The following RAB33A variants were observed in gnomAD, a reference collection of about 807,000 sequenced individuals.
RAB33A encodes the protein ras-related protein Rab-33A.
A neutral mutation model predicts 12.0 loss-of-function variants in RAB33A; 6 were observed. The observed-to-expected ratio is 0.50, with a 90% CI of 0.27 to 0.99. The LOEUF is 0.99. Among genes scored for constraint, RAB33A ranks in the 50% least tolerant of loss-of-function variants. The pLI is 0.11. For missense variants in RAB33A, 109 were observed against 192.0 expected (o/e 0.57, Z 2.55); for synonymous variants, 70 against 82.4 (o/e 0.85, Z 0.81).
At chrX:130,137,766 G>T in the RAB33A span, 1 of 1,006,835 alleles carries the variant, frequency 9.9e-7, no homozygotes, top group Non-Finnish European at 1.3e-6. Flanking sequence ...AGAAAGGAAA[G>T]AAAGTATTGC....
At chrX:130,122,181 T>C in the RAB33A span, among the ~76,000 whole-genome samples, 2 of 112,071 alleles carry the variant, frequency 1.8e-5, no homozygotes, top group East Asian at 5.6e-4. Context: ...GATGAGAGGA[T>C]TGGATTGTCT....
At chrX:130,162,882 G>A in the RAB33A span, among the ~76,000 whole-genome samples, 9 of 112,060 alleles carry the variant, frequency 8.0e-5, no homozygotes, top group African/African-American at 2.9e-4. Context: ...CAGACATAGA[G>A]TGATGACTAT....
chrX:130,131,876 C>A, the RAB33A span: 12 of 1,111,345 alleles, frequency 1.1e-5, no homozygotes, highest in Non-Finnish European at 1.5e-5. Context: ...CATGACACTG[C>A]ATTTTTTTTT....
the RAB33A span, among the ~76,000 whole-genome samples, chrX:130,164,425 C>T: frequency 8.9e-6 from 1 of 112,606 alleles, no homozygotes; most frequent in Middle Eastern, 4.6e-3. Flanking sequence ...CCTAACAACC[C>T]AAGGAAAATA....
chrX:130,128,955 TCTATGAAGCACTTA>T, the RAB33A span, among the ~76,000 whole-genome samples: 3 of 112,472 alleles, frequency 2.7e-5, no homozygotes, highest in Non-Finnish European at 5.6e-5. Context: ...TCGACAATGA[TCTATGAAGCACTTA>T]CTATGAAGCA....
chrX:130,170,185 A>G (rs2031590153), upstream of RAB33A, among the ~76,000 whole-genome samples: 1 of 112,886 alleles, frequency 8.9e-6, no homozygotes, highest in Non-Finnish European at 1.9e-5. Flanking sequence ...AGCTCAGCTA[A>G]TAAACTTATT....
At chrX:130,135,548 A>G in the RAB33A span, among the ~76,000 whole-genome samples, 2 of 109,857 alleles carry the variant, frequency 1.8e-5, no homozygotes, top group African/African-American at 6.6e-5. Context: ...GTAACTAGCA[A>G]TGGGGAAATT....
At chrX:130,132,292 C>T in the RAB33A span, among the ~76,000 whole-genome samples, 1 of 112,325 alleles carries the variant, frequency 8.9e-6, no homozygotes, top group African/African-American at 3.2e-5. Flanking sequence ...ACCCTAATAG[C>T]TTTGACTTTT....
At chrX:130,171,119 G>A (rs2031600581), upstream of RAB33A, among the ~76,000 whole-genome samples, 1 of 113,112 alleles carries the variant, frequency 8.8e-6, no homozygotes, top group South Asian at 3.6e-4. Context: ...CATCTGGCAA[G>A]TCTGTAACAG....
the RAB33A span, among the ~76,000 whole-genome samples, chrX:130,157,168 A>C: frequency 1.8e-5 from 2 of 112,138 alleles, no homozygotes; most frequent in Admixed American, 9.4e-5. Flanking sequence ...AAAGAACTAA[A>C]AAATTTTGGA....
Position 130,184,727 on chromosome X carries a change from C to T in RAB33A, c.701C>T (p.Ser234Phe). 1 of 1,208,658 alleles carries T rather than the reference C, an allele frequency of 8.3e-7. No homozygotes were observed. The highest frequency in any genetic ancestry group is 1.1e-6 in the Non-Finnish European group (1 of 892,864). The change falls in exon 2 of 2, where the codon TCC becomes TTC. Residue 234 changes from serine (S) to phenylalanine (F), a missense_variant. Coordinates refer to ENST00000257017, the MANE Select transcript of RAB33A (RefSeq NM_004794.3). ...CCACAGGAAGCTAACAGTAAAACTT[C>T]CTGTCCTTGTTGAAACCAAACGATA... ...EFPQEANSKT[S>F]CPC
At chrX:130,111,660 G>C in the RAB33A span, among the ~76,000 whole-genome samples, 3 of 111,718 alleles carry the variant, frequency 2.7e-5, no homozygotes, top group Non-Finnish European at 5.7e-5. Context: ...AGGGGGAGAG[G>C]GGCTGGCCCA....
chrX:130,161,842 A>C, the RAB33A span, among the ~76,000 whole-genome samples: 1 of 111,123 alleles, frequency 9.0e-6, no homozygotes, highest in Non-Finnish European at 1.9e-5. Flanking sequence ...TCCAACCTCA[A>C]GTGATCTGCC....
chrX:130,115,463 A>C, the RAB33A span, among the ~76,000 whole-genome samples: 1 of 111,377 alleles, frequency 9.0e-6, no homozygotes, highest in Non-Finnish European at 1.9e-5. Context: ...AAATACAAAA[A>C]TTAGCTGGGC....
At chrX:130,122,122 G>A in the RAB33A span, among the ~76,000 whole-genome samples, 2 of 112,061 alleles carry the variant, frequency 1.8e-5, no homozygotes, top group African/African-American at 3.3e-5. Context: ...CCAGGAGTCC[G>A]GGTTTTCATA....
chrX:130,163,318 A>G, the RAB33A span, among the ~76,000 whole-genome samples: 1 of 110,614 alleles, frequency 9.0e-6, no homozygotes, highest in East Asian at 2.8e-4. Context: ...AAAAAAAAAA[A>G]AAAAAAGTTT....
chrX:130,178,854 G>A (rs929704015), intron 1 of RAB33A, among the ~76,000 whole-genome samples: 4 of 108,057 alleles, frequency 3.7e-5, no homozygotes, highest in African/African-American at 1.0e-4. Flanking sequence ...GGGTTTCACC[G>A]CGTTAGCCAG....
chrX:130,110,874 G>A, the RAB33A span, among the ~76,000 whole-genome samples: 1 of 5,088 alleles, frequency 2.0e-4, no homozygotes, highest in Non-Finnish European at 4.9e-4. Flanking sequence ...CGAAACGAGC[G>A]AGCGAAAGGG....
chrX:130,165,244 G>T, the RAB33A span, among the ~76,000 whole-genome samples: 1 of 83,347 alleles, frequency 1.2e-5, no homozygotes, highest in Non-Finnish European at 2.2e-5. Context: ...CTCTAAAAAG[G>T]GGGGTGGGGG....
Sources: gnomAD v4.1 joint callset for allele counts (sites outside exome capture counted in the v4.1 genomes callset) on GRCh38, gnomAD v4.1.1 for gene constraint, MANE v1.5 for transcripts, NCBI Gene and HGNC (gene_info 2026-07-23, HGNC 2026-07-21) for gene names.